AMDHD1: variants seen among roughly 807,000 people sequenced by gnomAD.
The protein encoded by AMDHD1 is probable imidazolonepropionase.
A neutral mutation model predicts 44.1 loss-of-function variants in AMDHD1; 45 were observed. That is an observed-to-expected ratio of 1.02 (90% CI 0.80 to 1.31). AMDHD1 has a LOEUF of 1.31. Among genes scored for constraint, AMDHD1 ranks in the 50% most tolerant of loss-of-function variants. The pLI is 0.00. For synonymous variants in AMDHD1, 206 were observed against 205.0 expected (o/e 1.00, Z -0.04); for missense variants, 586 against 552.1 (o/e 1.06, Z -0.61).
chr12:95,961,258 C>T (rs2080580415), intron 5 of AMDHD1, among the ~76,000 whole-genome samples: 2 of 152,160 alleles, frequency 1.3e-5, no homozygotes, highest in Non-Finnish European at 2.9e-5. Context: ...ATTAATTTCA[C>T]TTGTACCTTT....
chr12:95,958,815 G>T (rs1029556554), intron 4 of AMDHD1, among the ~76,000 whole-genome samples: 2 of 152,172 alleles, frequency 1.3e-5, no homozygotes, highest in Non-Finnish European at 2.9e-5. Flanking sequence ...CAGCACTTTG[G>T]GGGGCCGAGG....
At chr12:95,955,021 A>G (rs1278816720) in intron 3 of AMDHD1, 46 bp downstream of exon 3, 2 of 1,587,876 alleles carry the variant, frequency 1.3e-6, no homozygotes, top group Non-Finnish European at 8.6e-7. Context: ...CACAAATATG[A>G]AGTCTTTTGC....
Position 95,966,419 on chromosome 12 carries a change from C to G in AMDHD1, c.1104C>G (p.Ile368Met). 1 of 1,614,248 alleles carries G rather than the reference C, an allele frequency of 6.2e-7. No individual in the cohort carries two copies. The highest frequency in any genetic ancestry group is 8.5e-7 in the Non-Finnish European group (1 of 1,180,048). The change falls in exon 8 of 9, where the codon ATC (isoleucine) becomes ATG (methionine). Residue 368 changes from isoleucine to methionine, a missense_variant. Transcript: ENST00000266736. ...CTGAGGCCTTGGCCGCTGCCACCATCAATGCAGCTTATGCACTGGGAAAGT... is the reference window on the plus strand; with the variant it reads ...CTGAGGCCTTGGCCGCTGCCACCATGAATGCAGCTTATGCACTGGGAAAGT... The part of the protein sequence containing the change: ...SMPEALAAAT[I>M]NAAYALGKSH...
rs767164703 is a variant in AMDHD1, at chr12:95,956,790, C to A, written c.415C>A (p.Gln139Lys). Residue 139 changes from glutamine to lysine, a missense_variant, in exon 4 of 9, where the codon CAG becomes AAG. Gln to Lys is a moderately conservative substitution (Grantham distance 53). Coordinates refer to ENST00000266736, the MANE Select transcript of AMDHD1 (RefSeq NM_152435.3). ...AGAGGAGGAGCTGTTCCGCTCCTTG[C>A]AGCAACGGCTCCAGTGCATGATGAG... ...ATEEELFRSL[Q>K]QRLQCMMRAG... The A allele has an allele frequency of 7.4e-6, 12 of 1,614,240 alleles. No homozygotes were observed. The South Asian group carries it at 9.9e-5, about 13-fold the overall frequency.
intron 1 of AMDHD1, among the ~76,000 whole-genome samples, chr12:95,951,692 A>G (rs572608584): frequency 6.6e-6 from 1 of 152,228 alleles, no homozygotes; most frequent in South Asian, 2.1e-4. Flanking sequence ...ACTGATTTAC[A>G]TTTCTAACAG....
chr12:95,947,640 G>T (rs1162534270), intron 1 of AMDHD1, among the ~76,000 whole-genome samples: 1 of 51,358 alleles, frequency 1.9e-5, no homozygotes, highest in Non-Finnish European at 3.2e-5. Flanking sequence ...TCAGCCCCCC[G>T]CCCGGCCAGC....
intron 1 of AMDHD1, among the ~76,000 whole-genome samples, chr12:95,951,092 A>G (rs947710959): frequency 4.6e-5 from 7 of 152,178 alleles, no homozygotes; most frequent in African/African-American, 1.4e-4. Context: ...AAACATTCCA[A>G]TCGTACTCCC....
chr12:95,965,915 T>A (rs879528383), intron 7 of AMDHD1, 136 bp downstream of exon 7: 6 of 614,282 alleles, frequency 9.8e-6, no homozygotes, highest in Non-Finnish European at 1.3e-5. Context: ...AAAAAAGGGG[T>A]AGACAGCAGT....
chr12:95,943,477 G>T lies in AMDHD1; in HGVS notation c.79G>T (p.Ala27Ser), dbSNP rs1478119938. ...GTGCGCCCGCGGCGAGCGCTTCCTG[G>T]CGCGGGATGCGCTGCGCAGCCTGGC... Reference protein sequence around the residue: ...LVCARGERFLARDALRSLAVL... With the variant: ...LVCARGERFLSRDALRSLAVL... The change falls in exon 1 of 9, where the codon GCG becomes TCG. Residue 27 changes from alanine (A) to serine (S), a missense_variant. Coordinates refer to ENST00000266736, the MANE Select transcript of AMDHD1 (RefSeq NM_152435.3). The T allele has an allele frequency of 1.5e-5, 23 of 1,502,704 alleles. No homozygotes were observed. Among genetic ancestry groups the T allele is most frequent in the Non-Finnish European group, 1.9e-5 (21 of 1,130,262 alleles). The allele number at this position is 1,502,704 out of a possible 1,614,324, so 93.1% of individuals were successfully genotyped here.
chr12:95,957,967 C>G (rs770001424), intron 4 of AMDHD1, among the ~76,000 whole-genome samples: 11 of 152,104 alleles, frequency 7.2e-5, no homozygotes, highest in Non-Finnish European at 1.3e-4. Context: ...GCACGAGAAT[C>G]GCTTAAGCCC....
At chr12:95,944,906 G>A (rs2080487034) in intron 1 of AMDHD1, among the ~76,000 whole-genome samples, 1 of 152,152 alleles carries the variant, frequency 6.6e-6, no homozygotes, top group Non-Finnish European at 1.5e-5. Flanking sequence ...AGCTGAGGCA[G>A]GTGGATCACC....
intron 4 of AMDHD1, among the ~76,000 whole-genome samples, chr12:95,959,680 G>C (rs1238076769): frequency 1.3e-5 from 2 of 152,116 alleles, no homozygotes; most frequent in Non-Finnish European, 2.9e-5. Context: ...AAACATTGTG[G>C]AGGAAGAAAA....
intron 5 of AMDHD1, among the ~76,000 whole-genome samples, chr12:95,961,186 A>G (rs1021433843): frequency 3.3e-5 from 5 of 151,586 alleles, no homozygotes; most frequent in Non-Finnish European, 5.9e-5. Flanking sequence ...TACCTCAGTG[A>G]TCTCTTTTAC....
intron 2 of AMDHD1, among the ~76,000 whole-genome samples, chr12:95,954,578 A>AAATG (rs2080541055): frequency 1.5e-5 from 1 of 68,860 alleles, no homozygotes; most frequent in Non-Finnish European, 2.6e-5. Context: ...AAAAATAAAT[A>AAATG]AAATAAAATA....
intron 8 of AMDHD1, 44 bp from the exon 9 acceptor site, chr12:95,967,712 G>A: frequency 7.2e-7 from 1 of 1,379,424 alleles, no homozygotes; most frequent in Non-Finnish European, 9.9e-7. Context: ...ATTTTTACTT[G>A]CACACATTGA....
chr12:95,952,978 G>A (rs565800707), intron 2 of AMDHD1, among the ~76,000 whole-genome samples, 155 bp downstream of exon 2: 1 of 152,262 alleles, frequency 6.6e-6, no homozygotes, highest in Admixed American at 6.5e-5. Context: ...TGAATGTATA[G>A]CTGCTTTCAA....
chr12:95,949,455 T>G (rs2080517050), intron 1 of AMDHD1, among the ~76,000 whole-genome samples: 1 of 152,220 alleles, frequency 6.6e-6, no homozygotes, highest in Admixed American at 6.5e-5. Context: ...AGAATTTTTC[T>G]TCCTAAATTT....
At chr12:95,962,625 C>G (rs1394827354) in intron 6 of AMDHD1, 146 bp downstream of exon 6, 1 of 990,378 alleles carries the variant, frequency 1.0e-6, no homozygotes, top group Non-Finnish European at 1.3e-6. Flanking sequence ...AAGATGCCAA[C>G]CCTGGACTGA....
At chr12:95,943,646 G>A (rs2080477409) in intron 1 of AMDHD1, 111 bp downstream of exon 1, 3 of 1,326,044 alleles carry the variant, frequency 2.3e-6, no homozygotes, top group Admixed American at 4.0e-5. Context: ...CCTGCACAGA[G>A]ATACACGGGC....
Sources: allele counts gnomAD v4.1 joint callset (sites outside exome capture counted in the v4.1 genomes callset), GRCh38; gene constraint gnomAD v4.1.1; transcripts MANE v1.5; gene names NCBI Gene and HGNC (gene_info 2026-07-23, HGNC 2026-07-21).